ATL1: variants seen among roughly 807,000 people sequenced by gnomAD.
ATL1 encodes the protein atlastin GTPase 1, also known as atlastin-1.
ATL1 carries 31 observed loss-of-function variants against 75.5 expected under a neutral mutation model. The ratio of observed to expected loss-of-function variants is 0.41; its 90% CI spans 0.31 to 0.55. ATL1 has a LOEUF of 0.55. Ranked by LOEUF, ATL1 falls within the 20% of genes least tolerant of loss-of-function variation. The probability of loss-of-function intolerance (pLI) is 0.27; values close to 1 mark genes in which losing one functional copy is unlikely to be tolerated. For missense variants in ATL1, 405 were observed against 662.6 expected, an observed-to-expected ratio of 0.61 and a Z score of 4.27; for synonymous variants, 226 against 233.3, an observed-to-expected ratio of 0.97 and a Z score of 0.28.
chr14:50,614,216 A>C (rs1028916511), intron 7 of ATL1, among the ~76,000 whole-genome samples, 157 bp from the exon 8 acceptor site: 1 of 152,208 alleles, frequency 6.6e-6, no homozygotes, highest in South Asian at 2.1e-4. Context: ...TGTGTGGGCA[A>C]ACCCACCCAA....
intron 1 of ATL1, among the ~76,000 whole-genome samples, chr14:50,560,850 C>T (rs560885566): frequency 4.6e-5 from 7 of 152,318 alleles, no homozygotes; most frequent in Admixed American, 2.6e-4. Context: ...CGGTAGCAGA[C>T]CGAGCAACTG....
intron 1 of ATL1, among the ~76,000 whole-genome samples, chr14:50,555,044 T>C (rs1033424783): frequency 1.3e-5 from 2 of 152,190 alleles, no homozygotes; most frequent in East Asian, 3.9e-4. Flanking sequence ...ATCAATGAGG[T>C]GGGACATGGT....
intron 6 of ATL1, among the ~76,000 whole-genome samples, chr14:50,596,848 A>T (rs114097668): frequency 0.022 from 3,319 of 152,292 alleles, 101 homozygotes; most frequent in African/African-American, 0.075. Flanking sequence ...GAGGGAAAAA[A>T]ATATAGCCAT....
intron 12 of ATL1, 97 bp from the exon 13 acceptor site, chr14:50,629,898 C>T (rs899058195): frequency 2.4e-6 from 2 of 825,452 alleles, no homozygotes; most frequent in Admixed American, 5.7e-5. Flanking sequence ...TTCTGAAATG[C>T]TCACAAATTA....
rs1278959869 is a variant in ATL1, at chr14:50,625,694, G to A, written c.1120-2337G>A. The stretch of plus-strand genomic sequence containing the variant: ...GAGGCCCAACACTTTGGGAGGCCGA[G>A]GTGGGTGGATCACGAGGTCAGATAG... On this transcript the variant is annotated intron_variant, in intron 11 of 13. Transcript: ENST00000358385. Among the ~76,000 whole-genome samples the A allele has an allele frequency of 3.9e-5, 6 of 152,236 alleles. No homozygotes were observed. In the East Asian group the frequency reaches 5.8e-4, roughly 15 times the overall value.
intron 11 of ATL1, among the ~76,000 whole-genome samples, chr14:50,625,184 C>T (rs2039505767): frequency 6.6e-6 from 1 of 152,132 alleles, no homozygotes; most frequent in African/African-American, 2.4e-5. Flanking sequence ...AAAATCAAAA[C>T]AGCCACAACA....
intron 1 of ATL1, among the ~76,000 whole-genome samples, chr14:50,540,842 C>T (rs2038552069): frequency 6.6e-6 from 1 of 152,168 alleles, no homozygotes; most frequent in Admixed American, 6.5e-5. Flanking sequence ...AAGTAGAATA[C>T]CAAGATTAAA....
upstream of ATL1, among the ~76,000 whole-genome samples, chr14:50,556,279 A>C (rs2038764511): frequency 6.6e-6 from 1 of 152,074 alleles, no homozygotes; most frequent in African/African-American, 2.4e-5. Flanking sequence ...ATCCAGGCTG[A>C]AGTGCAGCGG....
Position 50,535,122 on chromosome 14 carries a change from G to T in ATL1, c.-140+1755G>T, listed in dbSNP as rs571655869. ...CATGCTGACACATAAATATTTTTCA[G>T]CTTTTACCCTTATCATTATAATATA... On this transcript the variant is annotated intron_variant, in intron 1 of 13. Coordinates refer to the ATL1 transcript ENST00000441560. 7.2e-5 allele frequency among the ~76,000 whole-genome samples: 11 copies of T among 152,234 alleles called. No homozygotes were observed. In the South Asian group the frequency reaches 2.3e-3, roughly 32 times the overall value.
chr14:50,598,001 G>A (rs1397060655), intron 6 of ATL1, among the ~76,000 whole-genome samples: 5 of 151,880 alleles, frequency 3.3e-5, no homozygotes, highest in South Asian at 2.1e-4. Flanking sequence ...GGCCAATAGC[G>A]TTTCTTAAAA....
intron 1 of ATL1, among the ~76,000 whole-genome samples, chr14:50,547,054 A>AC (rs1351531375): frequency 1.3e-5 from 2 of 152,096 alleles, no homozygotes; most frequent in African/African-American, 4.8e-5. Context: ...AAGAGAACAC[A>AC]TGGACACAGG....
rs147284342 is a variant in ATL1 at position 50,623,559 on chromosome 14, G to A, written c.1119+311G>A. On this transcript the variant is annotated intron_variant, in intron 11 of 13. Transcript: ENST00000358385. Reference sequence around the variant, plus strand: ...AGCCAAAATAGCATGTGGTACCCTCGCCACTACACCTCCTTATATTCCACA... The same window carrying A: ...AGCCAAAATAGCATGTGGTACCCTCACCACTACACCTCCTTATATTCCACA... Among the ~76,000 whole-genome samples, 299 of 150,534 alleles carry A rather than the reference G, an allele frequency of 2.0e-3. 1 individual carries two copies. Among genetic ancestry groups the A allele is most frequent in the African/African-American group, 6.7e-3 (276 of 40,912 alleles).
At chr14:50,589,679 G>A (rs1376598621) in intron 2 of ATL1, among the ~76,000 whole-genome samples, 2 of 152,174 alleles carry the variant, frequency 1.3e-5, no homozygotes, top group African/African-American at 4.8e-5. Flanking sequence ...TTAAGTATTG[G>A]AGATGAAGAA....
chr14:50,544,126 C>T (rs1217244558), intron 1 of ATL1, among the ~76,000 whole-genome samples: 1 of 152,202 alleles, frequency 6.6e-6, no homozygotes, highest in Non-Finnish European at 1.5e-5. Context: ...ATTCACATCT[C>T]TAATATTACT....
chr14:50,559,140 G>A (rs2038801108), upstream of ATL1: 1 of 152,248 alleles, frequency 6.6e-6, no homozygotes, highest in Admixed American at 6.5e-5. Context: ...CCTGTCTGAA[G>A]CCATCATAGT....
chr14:50,615,585 A>G (rs1235895934), intron 8 of ATL1, among the ~76,000 whole-genome samples: 3 of 152,184 alleles, frequency 2.0e-5, no homozygotes, highest in Non-Finnish European at 2.9e-5. Flanking sequence ...ATTTTATCTT[A>G]CTTTCATACC....
At position 50,562,307 on chromosome 14, in the gene ATL1, G is replaced by T. The variant is rs181970911; in HGVS notation, c.34+2008G>T. Among the ~76,000 whole-genome samples, 12 of 152,306 alleles carry T rather than the reference G, an allele frequency of 7.9e-5. No homozygotes were observed. The East Asian group carries it at 2.3e-3, about 29-fold the overall frequency. On this transcript the variant is annotated intron_variant, in intron 1 of 13. Transcript: ENST00000358385. The stretch of plus-strand genomic sequence containing the variant: ...GATCCGCCCGCCTCGGCCTCCCAAA[G>T]TGCTGGGATTACAGGAGCGAGCCAC...
chr14:50,574,315 C>A (rs1254211162), intron 1 of ATL1, among the ~76,000 whole-genome samples: 1 of 152,168 alleles, frequency 6.6e-6, no homozygotes, highest in Non-Finnish European at 1.5e-5. Context: ...TTTTCCTTCA[C>A]CCTGTCTTCC....
At chr14:50,627,867 G>A (rs967957415) in intron 11 of ATL1, among the ~76,000 whole-genome samples, 164 bp from the exon 12 acceptor site, 1 of 152,174 alleles carries the variant, frequency 6.6e-6, no homozygotes, top group African/African-American at 2.4e-5. Flanking sequence ...TTATAGTCAT[G>A]CCTCGTGGAT....
Sources: gnomAD v4.1 joint callset for allele counts (sites outside exome capture counted in the v4.1 genomes callset) on GRCh38, gnomAD v4.1.1 for gene constraint, MANE v1.5 for transcripts, NCBI Gene and HGNC (gene_info 2026-07-23, HGNC 2026-07-21) for gene names.